DCAF5: variants seen among roughly 807,000 people sequenced by gnomAD.
The protein encoded by DCAF5 is DDB1 and CUL4 associated factor 5.
Under a neutral mutation model 80.7 loss-of-function variants are expected in DCAF5, and 9 were observed. That is an observed-to-expected ratio of 0.11 (90% confidence interval 0.07 to 0.19). DCAF5 has a LOEUF of 0.19. Among genes scored for constraint, DCAF5 ranks in the 10% least tolerant of loss-of-function variants. The probability of loss-of-function intolerance (pLI) is 1.00; values close to 1 mark genes in which losing one functional copy is unlikely to be tolerated. For missense variants in DCAF5, 842 were observed against 1,205.7 expected (o/e 0.70, Z 4.47); for synonymous variants, 433 against 461.9 (o/e 0.94, Z 0.80).
At chr14:69,134,871 G>T (rs2041142722) in intron 1 of DCAF5, among the ~76,000 whole-genome samples, 1 of 152,162 alleles carries the variant, frequency 6.6e-6, no homozygotes, top group Non-Finnish European at 1.5e-5. Flanking sequence ...GGACAATTGG[G>T]TGACATATAT....
In DCAF5 at chr14:69,152,076, G is replaced by A. The variant is rs1007438730; in HGVS notation, c.214+689C>T. ...GTTGCGCATTCAAGTTCAGGCTGGT[G>A]CCCTTTAGCCTCCACAGCCCTCGCC... On this transcript the variant is annotated intron_variant, in intron 1 of 8. Transcript: ENST00000341516. The surrounding 1 kb of genome is among the most constrained non-coding windows in gnomAD (Gnocchi z 4.1). Among the ~76,000 whole-genome samples, 3 of 152,200 alleles carry A rather than the reference G, an allele frequency of 2.0e-5. No homozygotes were observed. Among genetic ancestry groups the A allele is most frequent in the Admixed American group, 1.3e-4 (2 of 15,290 alleles).
chr14:69,084,915 G>A, intron 6 of DCAF5: 1 of 1,407,390 alleles, frequency 7.1e-7, no homozygotes, highest in Non-Finnish European at 1.0e-6. Flanking sequence ...TATTCATCGT[G>A]TGGGTAGAAC....
At chr14:69,083,448 C>T in intron 6 of DCAF5, 1 of 321,552 alleles carries the variant, frequency 3.1e-6, no homozygotes, top group Admixed American at 3.7e-5. Flanking sequence ...AGAAGTGGAA[C>T]CTCAAACTGC....
chr14:69,152,749 A>C lies in DCAF5; in HGVS notation c.214+16T>G. On this transcript the variant is annotated intron_variant, in intron 1 of 8. Coordinates refer to ENST00000341516, the MANE Select transcript of DCAF5 (RefSeq NM_003861.3). This position sits in a 1 kb window ranked among gnomAD's most constrained non-coding sequence, Gnocchi z 4.1. ...GGGTGCGGGGAGGCGCGGGGAGGGG[A>C]AGGGGGTTGATTTACCTGAGACCAG... 6.2e-7 allele frequency: 1 copy of C among 1,605,940 alleles called. No individual in the cohort carries two copies. The highest frequency in any genetic ancestry group is 8.5e-7 in the Non-Finnish European group (1 of 1,176,038).
At chr14:69,127,030 G>A (rs1007093159) in intron 1 of DCAF5, among the ~76,000 whole-genome samples, 1 of 152,196 alleles carries the variant, frequency 6.6e-6, no homozygotes, top group Non-Finnish European at 1.5e-5. Context: ...CTCATTCATT[G>A]CTGGTAGGAT....
chr14:69,111,042 G>T (rs2040348123), intron 5 of DCAF5, among the ~76,000 whole-genome samples: 1 of 152,128 alleles, frequency 6.6e-6, no homozygotes, highest in Non-Finnish European at 1.5e-5. Context: ...ATTCTGAAAG[G>T]AAAGAGGCTA....
intron 1 of DCAF5, among the ~76,000 whole-genome samples, chr14:69,134,980 C>T (rs1455586347): frequency 6.6e-6 from 1 of 152,134 alleles, no homozygotes; most frequent in African/African-American, 2.4e-5. Flanking sequence ...TTCTCTTGGA[C>T]TTAGCTACAA....
At chr14:69,137,711 T>G (rs902924421) in intron 1 of DCAF5, among the ~76,000 whole-genome samples, 3 of 152,216 alleles carry the variant, frequency 2.0e-5, no homozygotes, top group Admixed American at 6.5e-5. Context: ...GCCAGTACAG[T>G]AAGCCCCTTT....
intron 7 of DCAF5, among the ~76,000 whole-genome samples, chr14:69,072,557 T>C (rs2038731572): frequency 6.7e-6 from 1 of 148,248 alleles, no homozygotes; most frequent in African/African-American, 2.5e-5. Context: ...GTATGCAGTA[T>C]GCTATGATTG....
At position 69,122,197 on chromosome 14, in the gene DCAF5, G is replaced by A. The variant is rs766845624; in HGVS notation, c.358+20C>T. ...ATCCCAACCACAGTGACGTTCCCAA[G>A]GTAGAATCTCCCTTTTTACCTCCAG... On this transcript the variant is annotated intron_variant, in intron 2 of 8. Transcript: ENST00000341516. The A allele has an allele frequency of 1.9e-6, 3 of 1,607,040 alleles. No homozygotes were observed. The highest frequency in any genetic ancestry group is 1.7e-6 in the Non-Finnish European group (2 of 1,174,192).
chr14:69,107,205 G>A (rs749473481), intron 5 of DCAF5, among the ~76,000 whole-genome samples: 3 of 152,184 alleles, frequency 2.0e-5, no homozygotes, highest in Non-Finnish European at 4.4e-5. Context: ...TTCCCCAGAT[G>A]CTCTGGTCTG....
chr14:69,093,569 A>G (rs2039601130), intron 5 of DCAF5, among the ~76,000 whole-genome samples: 2 of 152,192 alleles, frequency 1.3e-5, no homozygotes, highest in Non-Finnish European at 2.9e-5. Context: ...TGGACAAGAA[A>G]AGAGCTATCC....
chr14:69,061,934 C>T (rs555668189), intron 8 of DCAF5, among the ~76,000 whole-genome samples: 3 of 152,238 alleles, frequency 2.0e-5, no homozygotes, highest in South Asian at 2.1e-4. Context: ...GCAGAAGGAT[C>T]GCTTGAGCCC....
intron 1 of DCAF5, among the ~76,000 whole-genome samples, chr14:69,126,417 A>G (rs558212971): frequency 6.6e-6 from 1 of 152,168 alleles, no homozygotes; most frequent in Non-Finnish European, 1.5e-5. Flanking sequence ...TAGGCCTCCC[A>G]AAGTGCTGGC....
At chr14:69,089,880 C>T (rs1279118843) in intron 6 of DCAF5, 1 of 961,254 alleles carries the variant, frequency 1.0e-6, no homozygotes, top group South Asian at 4.8e-5. Context: ...CAGCTCCACA[C>T]AACAAAGAAC....
At chr14:69,148,140 AG>A (rs2041599285) in intron 1 of DCAF5, among the ~76,000 whole-genome samples, 1 of 151,874 alleles carries the variant, frequency 6.6e-6, no homozygotes, top group Non-Finnish European at 1.5e-5. Context: ...AAACATATAA[AG>A]GACCCCATTC....
At chr14:69,106,337 T>C (rs1420085098) in intron 5 of DCAF5, among the ~76,000 whole-genome samples, 1 of 152,114 alleles carries the variant, frequency 6.6e-6, no homozygotes, top group African/African-American at 2.4e-5. Flanking sequence ...ATTACAGGCA[T>C]GAGCCACCGT....
At chr14:69,089,061 T>C (rs1317313071) in intron 6 of DCAF5, 3 of 152,598 alleles carry the variant, frequency 2.0e-5, no homozygotes, top group Non-Finnish European at 2.9e-5. Context: ...ATCCTCCTAA[T>C]TGGATGAATT....
chr14:69,148,102 C>CA (rs71446373), intron 1 of DCAF5, among the ~76,000 whole-genome samples: 2,684 of 91,204 alleles, frequency 0.029, 35 homozygotes, highest in Non-Finnish European at 0.036. Flanking sequence ...ATTTTCTTCG[C>CA]AAAAAAAAAA....
Sources: gnomAD v4.1 joint callset for allele counts (sites outside exome capture counted in the v4.1 genomes callset) on GRCh38, gnomAD v4.1.1 for gene constraint, Gnocchi (gnomAD v3.1) non-coding constraint, MANE v1.5 for transcripts, NCBI Gene and HGNC (gene_info 2026-07-23, HGNC 2026-07-21) for gene names.